The following SOX5 variants were observed in gnomAD, a reference collection of about 807,000 sequenced individuals.
The protein encoded by SOX5 is SRY-box transcription factor 5.
Under a neutral mutation model 92.0 loss-of-function variants are expected in SOX5, and 9 were observed. The observed-to-expected ratio is 0.10, with a 90% CI of 0.06 to 0.17. The LOEUF (loss-of-function observed/expected upper bound fraction) is 0.17, where lower values mean the gene tolerates loss of function less well. Among genes scored for constraint, SOX5 ranks in the 10% least tolerant of loss-of-function variants. The probability of loss-of-function intolerance (pLI) is 1.00; values close to 1 mark genes in which losing one functional copy is unlikely to be tolerated. For synonymous variants in SOX5, 344 were observed against 336.3 expected, an observed-to-expected ratio of 1.02 and a Z score of -0.25; for missense variants, 642 against 944.5, an observed-to-expected ratio of 0.68 and a Z score of 4.20.
intron 1 of SOX5, among the ~76,000 whole-genome samples, chr12:24,438,694 T>C (rs926216778): frequency 1.3e-5 from 2 of 152,210 alleles, no homozygotes; most frequent in African/African-American, 4.8e-5. Context: ...GAACTGCAGA[T>C]ATAGTGGAAA....
intron 4 of SOX5, among the ~76,000 whole-genome samples, chr12:24,003,334 AG>A (rs138464721): frequency 0.013 from 1,971 of 151,988 alleles, 34 homozygotes; most frequent in African/African-American, 0.044. Context: ...AATAAATAAA[AG>A]TCATCCATCT....
At chr12:23,809,372 A>G (rs1032106407) in intron 3 of SOX5, among the ~76,000 whole-genome samples, 3 of 152,054 alleles carry the variant, frequency 2.0e-5, no homozygotes, top group Admixed American at 2.0e-4. Flanking sequence ...CCCCATTTTA[A>G]TAAATAAATG....
At chr12:24,002,651 T>G (rs1379355898) in intron 4 of SOX5, among the ~76,000 whole-genome samples, 2 of 147,612 alleles carry the variant, frequency 1.4e-5, no homozygotes, top group Admixed American at 1.4e-4. Context: ...GGAGTATGTT[T>G]AATATTTCCA....
chr12:24,411,940 A>G (rs1416833795), intron 1 of SOX5, among the ~76,000 whole-genome samples: 1 of 152,166 alleles, frequency 6.6e-6, no homozygotes, highest in South Asian at 2.1e-4. Context: ...TAAGTTAGGG[A>G]TTAAATTCCT....
chr12:23,613,592 C>T (rs1333708398), intron 8 of SOX5, among the ~76,000 whole-genome samples: 1 of 152,026 alleles, frequency 6.6e-6, no homozygotes, highest in Non-Finnish European at 1.5e-5. Context: ...TCACAACAGC[C>T]CAAAGGTAGA....
At chr12:24,273,463 T>C (rs1944024820) in intron 3 of SOX5, among the ~76,000 whole-genome samples, 1 of 152,204 alleles carries the variant, frequency 6.6e-6, no homozygotes. Context: ...CAACTCTTTA[T>C]ATTTACCCCA....
chr12:24,292,291 T>C (rs1946699387), intron 2 of SOX5, among the ~76,000 whole-genome samples: 1 of 152,204 alleles, frequency 6.6e-6, no homozygotes, highest in African/African-American at 2.4e-5. Flanking sequence ...TGAAGAAAAC[T>C]GGATAGTGTT....
intron 1 of SOX5, among the ~76,000 whole-genome samples, chr12:24,380,615 GTAAA>G (rs1957730194): frequency 6.6e-6 from 1 of 152,196 alleles, no homozygotes; most frequent in Admixed American, 6.5e-5. Context: ...TCCAGCACTA[GTAAA>G]TTAGTGTGCC....
chr12:23,893,319 G>A (rs2097147114), intron 2 of SOX5, among the ~76,000 whole-genome samples: 1 of 152,036 alleles, frequency 6.6e-6, no homozygotes, highest in African/African-American at 2.4e-5. Flanking sequence ...GGTGGCGGGG[G>A]CCTGTAATCC....
intron 1 of SOX5, among the ~76,000 whole-genome samples, chr12:24,406,736 T>A (rs74070060): frequency 2.8e-4 from 42 of 152,224 alleles, no homozygotes; most frequent in African/African-American, 9.4e-4. Flanking sequence ...GACTTTTTTT[T>A]AAAATCTAAG....
chr12:23,668,575 A>C (rs2084237019), intron 6 of SOX5, among the ~76,000 whole-genome samples: 1 of 152,156 alleles, frequency 6.6e-6, no homozygotes, highest in South Asian at 2.1e-4. Flanking sequence ...TCTAGTTTTG[A>C]ATATTTCCAA....
At chr12:23,754,269 G>T (rs1390146071) in intron 4 of SOX5, among the ~76,000 whole-genome samples, 1 of 151,814 alleles carries the variant, frequency 6.6e-6, no homozygotes, top group Non-Finnish European at 1.5e-5. Context: ...GGAAAAGGCA[G>T]TCTTCGCTGC....
At chr12:23,933,203 G>A (rs1490550839) in intron 1 of SOX5, among the ~76,000 whole-genome samples, 1 of 151,658 alleles carries the variant, frequency 6.6e-6, no homozygotes, top group Non-Finnish European at 1.5e-5. Flanking sequence ...GAGAAGCAAG[G>A]TGAAATCTCA....
At chr12:24,172,815 T>G in intron 4 of SOX5, among the ~76,000 whole-genome samples, 1 of 152,190 alleles carries the variant, frequency 6.6e-6, no homozygotes, top group East Asian at 1.9e-4. Flanking sequence ...GAGAGTCAAT[T>G]AGGCTATGAA....
At chr12:23,796,868 AATTTATATATAAATATATATAAAT>A (rs2095570391) in intron 3 of SOX5, among the ~76,000 whole-genome samples, 1 of 143,654 alleles carries the variant, frequency 7.0e-6, no homozygotes, top group Non-Finnish European at 1.5e-5. Context: ...TATATTTATA[AATTTATATATAAATATATATAAAT>A]ATTTATATAT....
chr12:24,326,791 T>TACACACACACACACACACACACACAC lies in SOX5; in HGVS notation c.-174+41771_-174+41772insGTGTGTGTGTGTGTGTGTGTGTGTGT, dbSNP rs10527019. ...CCACCCACCCATTCATACACACACA[T>TACACACACACACACACACACACACAC]ACACACACACACACACACAGGTCTA... On this transcript the variant is annotated intron_variant, in intron 2 of 4. Coordinates refer to the SOX5 transcript ENST00000446891. Among the ~76,000 whole-genome samples, 83 of 148,848 alleles carry TACACACACACACACACACACACACAC rather than the reference T, an allele frequency of 5.6e-4. No individual in the cohort carries two copies. In the Middle Eastern group the frequency reaches 0.01, roughly 18 times the overall value.
chr12:24,069,560 T>C (rs142884889), intron 4 of SOX5, among the ~76,000 whole-genome samples: 1 of 152,320 alleles, frequency 6.6e-6, no homozygotes, highest in East Asian at 1.9e-4. Flanking sequence ...TAGCAGTGAT[T>C]ACACAGTGAC....
intron 4 of SOX5, among the ~76,000 whole-genome samples, chr12:24,203,043 A>T (rs1053225744): frequency 1.1e-4 from 16 of 152,206 alleles, no homozygotes; most frequent in Non-Finnish European, 5.9e-5. Context: ...TGTTTACCAA[A>T]TGGTGACTTT....
intron 4 of SOX5, among the ~76,000 whole-genome samples, chr12:24,005,645 C>T (rs1393048084): frequency 6.6e-6 from 1 of 152,066 alleles, no homozygotes; most frequent in African/African-American, 2.4e-5. Context: ...ATATGTTTTC[C>T]TCATGATATT....
Sources: gnomAD v4.1 joint callset for allele counts (sites outside exome capture counted in the v4.1 genomes callset) on GRCh38, gnomAD v4.1.1 for gene constraint, MANE v1.5 for transcripts, NCBI Gene and HGNC (gene_info 2026-07-23, HGNC 2026-07-21) for gene names.